Variants in ZHX3 observed in about 807,000 individuals in gnomAD.
ZHX3 encodes zinc fingers and homeoboxes protein 3.
Under a neutral mutation model 64.5 loss-of-function variants are expected in ZHX3, and 20 were observed. That is an observed-to-expected ratio of 0.31 (90% CI 0.22 to 0.45). The LOEUF (loss-of-function observed/expected upper bound fraction) is 0.45. ZHX3 is among the 20% of genes least tolerant of loss of function. The probability of loss-of-function intolerance (pLI) is 1.00; values close to 1 mark genes in which losing one functional copy is unlikely to be tolerated. For missense variants in ZHX3, 1,041 were observed against 1,195.8 expected, an observed-to-expected ratio of 0.87 and a Z score of 1.91; for synonymous variants, 423 against 461.6, an observed-to-expected ratio of 0.92 and a Z score of 1.07.
intron 1 of ZHX3, among the ~76,000 whole-genome samples, chr20:41,292,177 T>C (rs916029429): frequency 6.6e-6 from 1 of 152,100 alleles, no homozygotes; most frequent in Non-Finnish European, 1.5e-5. Context: ...TTTTTTGCTG[T>C]TGTCTTTATC....
At chr20:41,298,965 C>T (rs1197331051) in intron 1 of ZHX3, among the ~76,000 whole-genome samples, 1 of 151,990 alleles carries the variant, frequency 6.6e-6, no homozygotes, top group Non-Finnish European at 1.5e-5. Context: ...AAGAGGTGTC[C>T]CCTACGTAAG....
chr20:41,253,258 A>G (rs2042078678), intron 2 of ZHX3, among the ~76,000 whole-genome samples: 1 of 152,028 alleles, frequency 6.6e-6, no homozygotes, highest in Non-Finnish European at 1.5e-5. Context: ...AAAAAAAAAA[A>G]AAAGTATGGA....
At chr20:41,270,387 A>C (rs1600580697) in intron 1 of ZHX3, among the ~76,000 whole-genome samples, 1 of 149,614 alleles carries the variant, frequency 6.7e-6, no homozygotes, top group East Asian at 2.0e-4. Context: ...AAAAAAAAAA[A>C]AAAAAAGGCC....
At chr20:41,235,966 A>G (rs567107632) in intron 2 of ZHX3, among the ~76,000 whole-genome samples, 1,532 of 152,246 alleles carry the variant, frequency 0.01, 22 homozygotes, top group African/African-American at 0.035. Context: ...AAGCATTCCG[A>G]TACACCAATA....
chr20:41,241,989 ATGTG>A (rs928701592), intron 2 of ZHX3, among the ~76,000 whole-genome samples: 4 of 151,794 alleles, frequency 2.6e-5, no homozygotes, highest in Admixed American at 2.0e-4. Flanking sequence ...CTGAGTGTGC[ATGTG>A]TGTGTGTGTA....
In ZHX3 at chr20:41,211,007, G is replaced by C. The variant is rs2039120999; in HGVS notation, c.-150-5941C>G. Among the ~76,000 whole-genome samples the C allele has an allele frequency of 3.9e-5, 6 of 152,082 alleles. No individual in the cohort carries two copies. The South Asian group carries it at 1.2e-3, about 31-fold the overall frequency. On this transcript the variant is annotated intron_variant, in intron 2 of 3. Transcript: ENST00000683867. Reference sequence around the variant, plus strand: ...GATGTATTGAACTTTTAATAAAATAGATTGACTTCACACTTTTAAAATGCT... The same window carrying C: ...GATGTATTGAACTTTTAATAAAATACATTGACTTCACACTTTTAAAATGCT...
At chr20:41,206,278 G>C (rs1405545819) in intron 2 of ZHX3, among the ~76,000 whole-genome samples, 1 of 152,206 alleles carries the variant, frequency 6.6e-6, no homozygotes, top group Non-Finnish European at 1.5e-5. Context: ...ACCTGCAATG[G>C]AATAAAGCTG....
rs761626992 is a variant in ZHX3 at position 41,204,205 on chromosome 20, G to A, written c.712C>T (p.Pro238Ser). ...GAGCTGGCAGATGCCTGGCTGACTGGAACTGCCCCATTGATGAAGGAATGG... is the reference window on the plus strand; with the variant it reads ...GAGCTGGCAGATGCCTGGCTGACTGAAACTGCCCCATTGATGAAGGAATGG... ...GDHSFINGAVPVSQASASSAK... is the reference protein window; with the variant it reads ...GDHSFINGAVSVSQASASSAK... Residue 238 changes from proline to serine, a missense_variant, in exon 3 of 4, where the codon CCA becomes TCA. By Grantham distance (74) the Pro-to-Ser change is moderately conservative (BLOSUM62 -1). Coordinates refer to ENST00000683867, the MANE Select transcript of ZHX3 (RefSeq NM_001384317.1). This position sits in a 1 kb window ranked among gnomAD's most constrained non-coding sequence, Gnocchi z 6.6. The A allele has an allele frequency of 1.9e-6, 3 of 1,612,230 alleles. No individual in the cohort carries two copies. The highest frequency in any genetic ancestry group is 2.2e-5 in the East Asian group (1 of 44,864).
Position 41,181,607 on chromosome 20 carries a change from C to T in ZHX3, c.*3584G>A, listed in dbSNP as rs984631823. On this transcript the variant is annotated 3_prime_UTR_variant, in exon 4 of 4. Coordinates refer to ENST00000683867, the MANE Select transcript of ZHX3 (RefSeq NM_001384317.1). ...AGCATCCAACCAGAAAGGCCAGTGT[C>T]CTTCCTCCATGAAAGGCAGCCAGGG... The T allele has an allele frequency of 6.6e-6, 1 of 152,286 alleles. No homozygotes were observed. The highest frequency in any genetic ancestry group is 1.5e-5 in the Non-Finnish European group (1 of 68,098). 9.4% of individuals were successfully genotyped at this position (152,286 alleles called of 1,614,324 possible).
At chr20:41,301,087 G>A (rs1418498210) in intron 1 of ZHX3, among the ~76,000 whole-genome samples, 1 of 152,222 alleles carries the variant, frequency 6.6e-6, no homozygotes, top group Admixed American at 6.5e-5. Flanking sequence ...AGGTGAGGAA[G>A]TAGAGACCAT....
At chr20:41,286,130 A>C (rs1320680089) in intron 1 of ZHX3, among the ~76,000 whole-genome samples, 1 of 152,186 alleles carries the variant, frequency 6.6e-6, no homozygotes, top group African/African-American at 2.4e-5. Flanking sequence ...CCCATTACCC[A>C]AAATTAGCCA....
chr20:41,310,801 A>AT (rs72312127), intron 1 of ZHX3, among the ~76,000 whole-genome samples: 1,529 of 82,168 alleles, frequency 0.019, 121 homozygotes, highest in African/African-American at 0.049. Context: ...GTTAATTCTG[A>AT]TTTTTTTTTT....
intron 2 of ZHX3, among the ~76,000 whole-genome samples, chr20:41,257,174 T>C (rs2042301330): frequency 1.3e-5 from 2 of 152,216 alleles, no homozygotes; most frequent in African/African-American, 2.4e-5. Context: ...TCAGGCCATC[T>C]TGGCCTCAGC....
chr20:41,239,957 G>A (rs2041270542), intron 2 of ZHX3, among the ~76,000 whole-genome samples: 1 of 152,128 alleles, frequency 6.6e-6, no homozygotes, highest in African/African-American at 2.4e-5. Flanking sequence ...AGGTAAAGCA[G>A]GAGGCTTAGT....
intron 2 of ZHX3, among the ~76,000 whole-genome samples, chr20:41,247,634 C>T (rs2041774751): frequency 6.6e-6 from 1 of 152,168 alleles, no homozygotes; most frequent in Non-Finnish European, 1.5e-5. Context: ...CAGTGACCAA[C>T]TTGCACCCTG....
chr20:41,241,257 A>G lies in ZHX3; in HGVS notation c.-151+27733T>C, dbSNP rs139189155. 1.0e-3 allele frequency among the ~76,000 whole-genome samples: 155 copies of G among 152,340 alleles called. 1 individual carries two copies. Among genetic ancestry groups the G allele is most frequent in the African/African-American group, 3.4e-3 (140 of 41,574 alleles). On this transcript the variant is annotated intron_variant, in intron 2 of 3. Coordinates refer to ENST00000683867, the MANE Select transcript of ZHX3 (RefSeq NM_001384317.1). Reference sequence around the variant, plus strand: ...TGTAGTTTTGATTTGCATTTCTCTGATAAATGATGCTGAGCACTTTTTCCT... The same window carrying G: ...TGTAGTTTTGATTTGCATTTCTCTGGTAAATGATGCTGAGCACTTTTTCCT...
chr20:41,250,518 T>A (rs1003438042), intron 2 of ZHX3, among the ~76,000 whole-genome samples: 1 of 151,974 alleles, frequency 6.6e-6, no homozygotes. Context: ...ACCATGAAGA[T>A]GGACTGAAAA....
intron 1 of ZHX3, among the ~76,000 whole-genome samples, chr20:41,269,804 T>G (rs1421698895): frequency 6.6e-6 from 1 of 151,870 alleles, no homozygotes; most frequent in Non-Finnish European, 1.5e-5. Context: ...GTGTAGGCAT[T>G]GTACACTAGA....
chr20:41,295,312 TATA>T (rs748622576), intron 1 of ZHX3, among the ~76,000 whole-genome samples: 3 of 152,132 alleles, frequency 2.0e-5, no homozygotes, highest in South Asian at 2.1e-4. Flanking sequence ...ATTAAAAATA[TATA>T]ATAAGACAAT....
Sources: gnomAD v4.1 joint callset for allele counts (sites outside exome capture counted in the v4.1 genomes callset) on GRCh38, gnomAD v4.1.1 for gene constraint, Gnocchi (gnomAD v3.1) non-coding constraint, MANE v1.5 for transcripts, NCBI Gene and HGNC (gene_info 2026-07-23, HGNC 2026-07-21) for gene names.